MAN1C1: variants seen among roughly 807,000 people sequenced by gnomAD.
MAN1C1 encodes mannosidase alpha class 1C member 1, also known as mannosyl-oligosaccharide 1,2-alpha-mannosidase IC.
Under a neutral mutation model 71.5 loss-of-function variants are expected in MAN1C1, and 49 were observed. The ratio of observed to expected loss-of-function variants is 0.69; its 90% CI spans 0.54 to 0.87. MAN1C1 has a LOEUF of 0.87. Ranked by LOEUF, MAN1C1 falls within the 40% of genes least tolerant of loss-of-function variation. The pLI is 0.00. For missense variants in MAN1C1, 743 were observed against 835.0 expected (o/e 0.89, Z 1.36); for synonymous variants, 352 against 343.7 (o/e 1.02, Z -0.27).
chr1:25,745,037 G>C (rs2047110074), intron 2 of MAN1C1, among the ~76,000 whole-genome samples: 1 of 152,222 alleles, frequency 6.6e-6, no homozygotes, highest in African/African-American at 2.4e-5. Context: ...CTTTCAGGAA[G>C]CCTTTCAGAT....
Position 25,616,896 on chromosome 1 carries a change from G to T in MAN1C1, c.-902G>T, listed in dbSNP as rs1320416090. Among the ~76,000 whole-genome samples, 1 of 149,792 alleles carries T rather than the reference G, an allele frequency of 6.7e-6. No homozygotes were observed. Among genetic ancestry groups the T allele is most frequent in the African/African-American group, 2.4e-5 (1 of 41,168 alleles). ...TCGGCGGCAGCGGCCGGTCTGGAGC[G>T]GCCGCTGCGAGGAAGACAGCTGCAG... On this transcript the variant is annotated 5_prime_UTR_variant, in exon 1 of 12. Transcript: ENST00000374332. This position sits in a 1 kb window ranked among gnomAD's most constrained non-coding sequence, Gnocchi z 5.6.
rs564790367 is a variant in MAN1C1 at position 25,624,480 on chromosome 1, TACTC to T, written c.540+6146_540+6149del. 2.6e-3 allele frequency among the ~76,000 whole-genome samples: 402 copies of T among 152,338 alleles called. 2 individuals are homozygous for T. Among genetic ancestry groups the T allele is most frequent in the South Asian group, 5.8e-3 (28 of 4,826 alleles). ...GCAGGCAGGTGGTCAAAACAGTTCT[TACTC>T]ACAAGGGGGTCTGAATTTCTTAACT... On this transcript the variant is annotated intron_variant, in intron 1 of 11. Transcript: ENST00000374332.
intron 1 of MAN1C1, among the ~76,000 whole-genome samples, chr1:25,678,089 A>G (rs567959196): frequency 6.6e-6 from 1 of 152,272 alleles, no homozygotes; most frequent in South Asian, 2.1e-4. Context: ...AACTTCTATC[A>G]GACATAACCG....
At chr1:25,622,474 A>T (rs2045229297) in intron 1 of MAN1C1, among the ~76,000 whole-genome samples, 1 of 152,220 alleles carries the variant, frequency 6.6e-6, no homozygotes, top group South Asian at 2.1e-4. Context: ...AACAGTTAAG[A>T]TTGCTAGTGG....
chr1:25,722,776 T>G (rs2046783566), intron 2 of MAN1C1, among the ~76,000 whole-genome samples: 2 of 152,172 alleles, frequency 1.3e-5, no homozygotes, highest in Admixed American at 6.5e-5. Flanking sequence ...TGTCTTCAAG[T>G]TAAATGTGGG....
intron 2 of MAN1C1, among the ~76,000 whole-genome samples, chr1:25,692,624 C>G (rs997511266): frequency 6.6e-6 from 1 of 152,140 alleles, no homozygotes; most frequent in Admixed American, 6.5e-5. Flanking sequence ...TGAGGACTTG[C>G]AAAGTCTTAA....
rs115277228 is a variant in MAN1C1, at chr1:25,783,818, G to A, written c.*29G>A. On this transcript the variant is annotated 3_prime_UTR_variant, in exon 12 of 12. Transcript: ENST00000374332. ...CATCTCCTGCCGCCGCCCTGGGGCC[G>A]CCGCAGGGATGCCTTGCCTTTTCAG... 2,436 of 1,601,814 alleles carry A rather than the reference G, an allele frequency of 1.5e-3. 34 individuals are homozygous for A. The African/African-American group carries it at 0.029, about 19-fold the overall frequency.
chr1:25,689,722 T>C (rs2046280792), intron 2 of MAN1C1, among the ~76,000 whole-genome samples: 1 of 152,152 alleles, frequency 6.6e-6, no homozygotes, highest in African/African-American at 2.4e-5. Context: ...TCCTGGACAT[T>C]TAATGTCCTC....
chr1:25,733,476 C>T (rs902681234), intron 2 of MAN1C1, among the ~76,000 whole-genome samples: 1 of 152,306 alleles, frequency 6.6e-6, no homozygotes, highest in Admixed American at 6.5e-5. Flanking sequence ...CCCTTGGCCC[C>T]TTTCTCCTGG....
intron 1 of MAN1C1, among the ~76,000 whole-genome samples, chr1:25,669,017 C>T (rs1031892749): frequency 6.6e-6 from 1 of 152,174 alleles, no homozygotes; most frequent in African/African-American, 2.4e-5. Flanking sequence ...TTGAAAGAGT[C>T]CGGGTGAGCC....
chr1:25,634,648 C>T lies in MAN1C1; in HGVS notation c.540+16311C>T, dbSNP rs540139869. On this transcript the variant is annotated intron_variant, in intron 1 of 11. Transcript: ENST00000374332. The surrounding 1 kb of genome is among the most constrained non-coding windows in gnomAD (Gnocchi z 4.6). ...CAGCCTGGGCAACATGGTAAAACCC[C>T]ATCTCTGCTAAAATACAAAAAATCA... Among the ~76,000 whole-genome samples the T allele has an allele frequency of 6.6e-6, 1 of 151,858 alleles. No homozygotes were observed. Among genetic ancestry groups the T allele is most frequent in the Non-Finnish European group, 1.5e-5 (1 of 67,964 alleles).
At chr1:25,766,709 G>A (rs917866506) in intron 7 of MAN1C1, among the ~76,000 whole-genome samples, 3 of 152,104 alleles carry the variant, frequency 2.0e-5, no homozygotes, top group African/African-American at 4.8e-5. Flanking sequence ...AGACCACCCT[G>A]AGGCCAACCC....
At chr1:25,747,694 T>TGCGTTCCCAGGGGAGCTTCCC (rs1255319686) in intron 3 of MAN1C1, among the ~76,000 whole-genome samples, 1 of 152,132 alleles carries the variant, frequency 6.6e-6, no homozygotes, top group East Asian at 1.9e-4. Flanking sequence ...CGCAACACTT[T>TGCGTTCCCAGGGGAGCTTCCC]AGGGGAGCTT....
rs1188802857 is a variant in MAN1C1 at position 25,771,727 on chromosome 1, C to G, written c.1212C>G (p.Gly404=). The G allele has an allele frequency of 1.2e-6, 2 of 1,614,020 alleles. No homozygotes were observed. The highest frequency in any genetic ancestry group is 2.7e-5 in the African/African-American group (2 of 74,944). The change falls in exon 8 of 12, where the codon GGC becomes GGG. Residue 404 remains glycine, a synonymous_variant. Coordinates refer to ENST00000374332, the MANE Select transcript of MAN1C1 (RefSeq NM_020379.4). ...TGATCAAATCCTGGTTGATGTCGGG[C>G]AAGACAGATATGGAGGCTAAAAATA... ...EYLIKSWLMS[G]KTDMEAKNMY... is the part of the protein sequence containing the mutation.
intron 1 of MAN1C1, among the ~76,000 whole-genome samples, chr1:25,642,750 G>A (rs1206862830): frequency 6.6e-6 from 1 of 152,186 alleles, no homozygotes; most frequent in Admixed American, 6.5e-5. Context: ...CATTCATAGA[G>A]AGTCAGACTT....
intron 7 of MAN1C1, among the ~76,000 whole-genome samples, chr1:25,768,895 A>G (rs1187471829): frequency 1.4e-5 from 1 of 70,796 alleles, no homozygotes; most frequent in African/African-American, 6.6e-5. Context: ...CCACACACAT[A>G]TTACACACAC....
At chr1:25,702,311 C>A (rs1024765812) in intron 2 of MAN1C1, among the ~76,000 whole-genome samples, 1 of 152,126 alleles carries the variant, frequency 6.6e-6, no homozygotes, top group Admixed American at 6.6e-5. Context: ...ATCCGAAGGG[C>A]CTTGAATTCC....
At chr1:25,731,143 C>A (rs1272834329) in intron 2 of MAN1C1, among the ~76,000 whole-genome samples, 2 of 152,162 alleles carry the variant, frequency 1.3e-5, no homozygotes, top group Non-Finnish European at 2.9e-5. Flanking sequence ...ATGGCGAAAC[C>A]CCGTCTGTAC....
chr1:25,733,186 AC>A (rs777112973), intron 2 of MAN1C1, among the ~76,000 whole-genome samples: 7 of 152,070 alleles, frequency 4.6e-5, no homozygotes, highest in Non-Finnish European at 1.0e-4. Context: ...CAAAGCACAG[AC>A]CCAGGTGCTC....
Sources: allele counts gnomAD v4.1 joint callset (sites outside exome capture counted in the v4.1 genomes callset), GRCh38; gene constraint gnomAD v4.1.1; non-coding constraint Gnocchi (gnomAD v3.1); transcripts MANE v1.5; gene names NCBI Gene and HGNC (gene_info 2026-07-23, HGNC 2026-07-21).